MAML2: variants seen among roughly 807,000 people sequenced by gnomAD.
MAML2 encodes the protein mastermind like transcriptional coactivator 2.
MAML2 carries 22 observed loss-of-function variants against 96.1 expected under a neutral mutation model. The ratio of observed to expected loss-of-function variants is 0.23; its 90% CI spans 0.16 to 0.33. The LOEUF (loss-of-function observed/expected upper bound fraction) is 0.33. MAML2 is among the 10% of genes least tolerant of loss of function. The pLI is 1.00. For missense variants in MAML2, 1,367 were observed against 1,392.4 expected, an observed-to-expected ratio of 0.98 and a Z score of 0.29; for synonymous variants, 561 against 521.3, an observed-to-expected ratio of 1.08 and a Z score of -1.04.
chr11:96,277,201 T>G (rs1206316772), intron 1 of MAML2, among the ~76,000 whole-genome samples: 1 of 152,238 alleles, frequency 6.6e-6, no homozygotes, highest in Non-Finnish European at 1.5e-5. Flanking sequence ...CCAGGAACTA[T>G]AGCAAACTTA....
chr11:96,235,029 AC>A (rs1862348383), intron 1 of MAML2, among the ~76,000 whole-genome samples: 1 of 152,088 alleles, frequency 6.6e-6, no homozygotes, highest in South Asian at 2.1e-4. Context: ...CTCATAAACA[AC>A]CTTTTCTCAA....
intron 2 of MAML2, among the ~76,000 whole-genome samples, chr11:96,060,596 A>G (rs1213363349): frequency 6.6e-6 from 1 of 152,188 alleles, no homozygotes; most frequent in African/African-American, 2.4e-5. Context: ...TAATGAGAAG[A>G]AAGTGGGAAT....
chr11:96,059,804 T>C (rs1859126529), intron 2 of MAML2, among the ~76,000 whole-genome samples: 2 of 152,194 alleles, frequency 1.3e-5, no homozygotes, highest in South Asian at 2.1e-4. Flanking sequence ...AAAATGTTTA[T>C]TGGGAACTGG....
intron 1 of MAML2, among the ~76,000 whole-genome samples, chr11:96,212,156 G>A (rs1435684136): frequency 7.8e-6 from 1 of 127,526 alleles, no homozygotes; most frequent in Non-Finnish European, 1.7e-5. Context: ...TGTGTGGAAG[G>A]GGGACTCGTA....
intron 1 of MAML2, among the ~76,000 whole-genome samples, chr11:96,099,503 G>T (rs1259003145): frequency 6.6e-6 from 1 of 152,086 alleles, no homozygotes; most frequent in Non-Finnish European, 1.5e-5. Context: ...AATTAGGTTT[G>T]CCCAACCAGA....
At chr11:96,078,015 G>C (rs1026259382) in intron 2 of MAML2, among the ~76,000 whole-genome samples, 6 of 152,048 alleles carry the variant, frequency 3.9e-5, no homozygotes, top group South Asian at 4.1e-4. Flanking sequence ...GTCTTCCCCT[G>C]GTCTGAAGGA....
intron 2 of MAML2, among the ~76,000 whole-genome samples, chr11:95,992,126 A>C (rs1857923766): frequency 6.6e-6 from 1 of 152,240 alleles, no homozygotes; most frequent in Non-Finnish European, 1.5e-5. Flanking sequence ...CCTGCAATGA[A>C]AGTCATGTTT....
chr11:96,291,180 C>A (rs1863204388), intron 1 of MAML2, among the ~76,000 whole-genome samples: 1 of 118,298 alleles, frequency 8.5e-6, no homozygotes, highest in Admixed American at 1.2e-4. Flanking sequence ...CTCTGGAGTG[C>A]AATGGCGCAA....
intron 1 of MAML2, among the ~76,000 whole-genome samples, chr11:96,180,283 T>C (rs1217169213): frequency 1.3e-5 from 2 of 152,146 alleles, no homozygotes; most frequent in African/African-American, 4.8e-5. Flanking sequence ...GAGAGGTGGG[T>C]CTACGTTCCC....
chr11:96,056,162 C>T (rs947389913), intron 2 of MAML2, among the ~76,000 whole-genome samples: 1 of 152,246 alleles, frequency 6.6e-6, no homozygotes, highest in South Asian at 2.1e-4. Context: ...GGTTCACCTT[C>T]AGCTCATGTT....
chr11:95,982,138 A>G (rs1857749840), intron 4 of MAML2, among the ~76,000 whole-genome samples: 1 of 152,216 alleles, frequency 6.6e-6, no homozygotes, highest in Admixed American at 6.5e-5. Context: ...TGCTTATTTC[A>G]TCATCAGAAG....
At chr11:96,339,935 C>A (rs1347598626) in intron 1 of MAML2, among the ~76,000 whole-genome samples, 1 of 152,176 alleles carries the variant, frequency 6.6e-6, no homozygotes, top group Non-Finnish European at 1.5e-5. Context: ...AATACAACCC[C>A]ACAAGCTAGT....
chr11:96,269,529 G>C (rs1862883452), intron 1 of MAML2, among the ~76,000 whole-genome samples: 1 of 143,280 alleles, frequency 7.0e-6, no homozygotes, highest in South Asian at 2.2e-4. Flanking sequence ...TTTTATTTTG[G>C]GGGGAAATGT....
intron 1 of MAML2, among the ~76,000 whole-genome samples, chr11:96,166,128 CTT>C (rs374566945): frequency 6.6e-6 from 1 of 150,804 alleles, no homozygotes; most frequent in Non-Finnish European, 1.5e-5. Flanking sequence ...CTCTGTCTCT[CTT>C]TCTCTGTCTC....
chr11:96,055,718 C>G (rs189320948), intron 2 of MAML2, among the ~76,000 whole-genome samples: 52 of 152,112 alleles, frequency 3.4e-4, no homozygotes, highest in African/African-American at 1.2e-3. Flanking sequence ...CCCATGTAAC[C>G]AAGCGCCGAA....
intron 2 of MAML2, among the ~76,000 whole-genome samples, chr11:96,016,833 T>C (rs1858360316): frequency 6.6e-6 from 1 of 152,218 alleles, no homozygotes; most frequent in Non-Finnish European, 1.5e-5. Context: ...ATCTGAGACT[T>C]TTTTGAATTT....
intron 1 of MAML2, among the ~76,000 whole-genome samples, chr11:96,322,786 C>T (rs911404273): frequency 1.1e-4 from 16 of 152,210 alleles, no homozygotes; most frequent in African/African-American, 3.4e-4. Flanking sequence ...AAGAAAGTTA[C>T]GTTTGCTTTC....
intron 2 of MAML2, among the ~76,000 whole-genome samples, chr11:96,016,287 A>G (rs1479512546): frequency 6.6e-6 from 1 of 151,918 alleles, no homozygotes; most frequent in Non-Finnish European, 1.5e-5. Context: ...TGGGCAGTGC[A>G]CATTAGGAGG....
chr11:96,336,648 T>C (rs941508075), intron 1 of MAML2, among the ~76,000 whole-genome samples: 2 of 152,234 alleles, frequency 1.3e-5, no homozygotes, highest in African/African-American at 4.8e-5. Context: ...CTGCCATGGA[T>C]AGCAGAACTG....
Sources: allele counts gnomAD v4.1 joint callset (sites outside exome capture counted in the v4.1 genomes callset), GRCh38; gene constraint gnomAD v4.1.1; transcripts MANE v1.5; gene names NCBI Gene and HGNC (gene_info 2026-07-23, HGNC 2026-07-21).